The following EFHB variants were observed in gnomAD, a reference collection of about 807,000 sequenced individuals.
The protein encoded by EFHB is EF-hand domain family member B.
In EFHB, 91 loss-of-function variants were observed where a neutral mutation model predicts 87.2. The ratio of observed to expected loss-of-function variants is 1.04; its 90% CI spans 0.88 to 1.24. EFHB has a LOEUF of 1.24. EFHB is among the 50% of genes most tolerant of loss of function. EFHB has a pLI of 0.00. For missense variants in EFHB, 1,084 were observed against 998.8 expected (o/e 1.09, Z -1.15); for synonymous variants, 325 against 333.6 (o/e 0.97, Z 0.28).
At chr3:19,932,567 T>C (rs1331736748) in intron 1 of EFHB, among the ~76,000 whole-genome samples, 2 of 152,248 alleles carry the variant, frequency 1.3e-5, no homozygotes, top group East Asian at 1.9e-4. Flanking sequence ...CACCTTTCGA[T>C]GTTAGCTCAA....
rs923345097 is a variant in EFHB, at chr3:19,913,705, A to C, written c.1288+1598T>G. On this transcript the variant is annotated intron_variant, in intron 5 of 12. Coordinates refer to ENST00000295824, the MANE Select transcript of EFHB (RefSeq NM_144715.4). ...AATATTTTAAAAAATCCTAAAGTGT[A>C]TATGAAACCACAAAATACCCAGAAT... Among the ~76,000 whole-genome samples the C allele has an allele frequency of 2.0e-5, 3 of 152,210 alleles. No individual in the cohort carries two copies. In the East Asian group the frequency reaches 5.8e-4, roughly 29 times the overall value.
intron 12 of EFHB, 21 bp downstream of exon 12, chr3:19,882,529 T>C (rs1181904621): frequency 5.4e-6 from 8 of 1,468,302 alleles, no homozygotes; most frequent in Non-Finnish European, 7.3e-6. Context: ...ATTTCCATTT[T>C]TGTATGCTTA....
chr3:19,940,084 ACTTT>A (rs985201322), intron 1 of EFHB, among the ~76,000 whole-genome samples: 7 of 152,206 alleles, frequency 4.6e-5, no homozygotes, highest in African/African-American at 1.7e-4. Context: ...TTAAAGGCTT[ACTTT>A]CTATGTACTT....
chr3:19,926,095 G>T (rs1259997351), intron 1 of EFHB, among the ~76,000 whole-genome samples: 1 of 152,018 alleles, frequency 6.6e-6, no homozygotes, highest in Non-Finnish European at 1.5e-5. Flanking sequence ...AACTAGGAAG[G>T]TCCCACAAGA....
At chr3:19,926,930 G>A (rs1308199915) in intron 1 of EFHB, among the ~76,000 whole-genome samples, 1 of 152,124 alleles carries the variant, frequency 6.6e-6, no homozygotes, top group Non-Finnish European at 1.5e-5. Context: ...AAAGTGCTGG[G>A]ATTACAGGCA....
rs969256226 is a variant in EFHB at position 19,898,771 on chromosome 3, T to G, written c.1570+7A>C. 1 of 1,613,246 alleles carries G rather than the reference T, an allele frequency of 6.2e-7. No homozygotes were observed. Among genetic ancestry groups the G allele is most frequent in the African/African-American group, 1.3e-5 (1 of 75,050 alleles). The stretch of plus-strand genomic sequence containing the variant: ...GGGTTTTTTACGGAGAAAGTGTGTA[T>G]ATTTACCATATTCCTCAGGACGGAG... On this transcript the variant is annotated splice_region_variant and intron_variant, in intron 8 of 12. Transcript: ENST00000295824.
Position 19,896,740 on chromosome 3 carries a change from CT to C in EFHB, c.1671del (p.Val558LeufsTer23). 6.2e-7 allele frequency: 1 copy of C among 1,614,020 alleles called. No individual in the cohort carries two copies. Among genetic ancestry groups the C allele is most frequent in the Non-Finnish European group, 8.5e-7 (1 of 1,179,888 alleles). On this transcript the variant is annotated frameshift_variant, in exon 9 of 13. Transcript: ENST00000295824. LOFTEE classifies it high-confidence loss of function. ...AAAGTGTCAAACTTTTGGTAATTAA[CT>C]TTCTTCAGGTGATGCCGAACTGCTG... ...LIAAVRHHLKKVNYQKFDTLL... is the reference protein window; with the variant it reads ...LIAAVRHHLKXVNYQKFDTLL...
At chr3:19,907,872 CTTAG>C (rs1196091812) in intron 5 of EFHB, among the ~76,000 whole-genome samples, 5 of 152,098 alleles carry the variant, frequency 3.3e-5, no homozygotes, top group African/African-American at 1.2e-4. Flanking sequence ...ATAATTGTCT[CTTAG>C]TTAAGCAAAA....
At chr3:19,881,688 G>C (rs1011546585) in intron 12 of EFHB, among the ~76,000 whole-genome samples, 7 of 152,056 alleles carry the variant, frequency 4.6e-5, no homozygotes, top group Admixed American at 3.9e-4. Flanking sequence ...AGAATTGCTG[G>C]GATGCATCTG....
In EFHB at chr3:19,933,672, A is replaced by G; in HGVS notation, c.347T>C (p.Leu116Pro). Residue 116 changes from leucine to proline, a missense_variant, in exon 1 of 13, where the codon CTT (leucine) becomes CCT (proline). Physicochemically the swap from Leu to Pro is moderately conservative, Grantham distance 98. Transcript: ENST00000295824. ...PGRMGLENES[L>P]LAGYTHERII... ...CCGTTCATGGGTATATCCTGCAAGA[A>G]GACTCTCATTTTCTAACCCCATTCT... The G allele has an allele frequency of 6.2e-7, 1 of 1,614,034 alleles. No homozygotes were observed. The highest frequency in any genetic ancestry group is 1.3e-5 in the African/African-American group (1 of 75,052).
intron 1 of EFHB, among the ~76,000 whole-genome samples, chr3:19,925,600 G>A (rs953493330): frequency 1.3e-4 from 20 of 152,118 alleles, no homozygotes; most frequent in African/African-American, 4.8e-4. Flanking sequence ...TTGCTCAGCT[G>A]CCTCTTTGCT....
rs181160560 is a variant in EFHB, at chr3:19,940,096, C to T, written c.-31-3762G>A. On this transcript the variant is annotated intron_variant, in intron 1 of 14. Coordinates refer to the EFHB transcript ENST00000344838. ...CCTTTAAAGGCTTACTTTCTATGTA[C>T]TTCTTTTTTTATGAGATTACAGGCC... 2.0e-5 allele frequency among the ~76,000 whole-genome samples: 3 copies of T among 152,272 alleles called. No individual in the cohort carries two copies. The East Asian group carries it at 5.8e-4, about 29-fold the overall frequency.
At chr3:19,922,019 G>T (rs765688075) in intron 1 of EFHB, among the ~76,000 whole-genome samples, 18 of 152,064 alleles carry the variant, frequency 1.2e-4, no homozygotes. Flanking sequence ...ACAAAAATTA[G>T]GCAGGCATGG....
intron 10 of EFHB, among the ~76,000 whole-genome samples, chr3:19,885,780 T>C (rs1428375606): frequency 6.6e-6 from 1 of 152,210 alleles, no homozygotes; most frequent in Non-Finnish European, 1.5e-5. Context: ...ATTGCTGCTC[T>C]GAAAATTCTC....
At position 19,881,479 on chromosome 3, in the gene EFHB, C is replaced by T. The variant is rs148411114; in HGVS notation, c.2328+1071G>A. On this transcript the variant is annotated intron_variant, in intron 12 of 12. Transcript: ENST00000295824. Reference sequence around the variant, plus strand: ...ATGACTTCCTTTAGGGGTTATGAAACAAGCAGGAGATTTCTGTTTCTTTTG... The same window carrying T: ...ATGACTTCCTTTAGGGGTTATGAAATAAGCAGGAGATTTCTGTTTCTTTTG... Among the ~76,000 whole-genome samples the T allele has an allele frequency of 5.0e-4, 76 of 152,214 alleles. 1 individual carries two copies. Among genetic ancestry groups the T allele is most frequent in the Admixed American group, 7.9e-4 (12 of 15,280 alleles).
At chr3:19,898,698 GTGAGCTTAACT>G (rs1694564927) in intron 8 of EFHB, 69 bp downstream of exon 8, 74 of 1,329,928 alleles carry the variant, frequency 5.6e-5, no homozygotes, top group Non-Finnish European at 7.9e-5. Context: ...TAAGGAGATG[GTGAGCTTAACT>G]GCATAACTTT....
intron 1 of EFHB, among the ~76,000 whole-genome samples, chr3:19,939,943 T>A (rs1259490962): frequency 6.6e-6 from 1 of 152,190 alleles, no homozygotes; most frequent in African/African-American, 2.4e-5. Flanking sequence ...TTTGATTGTA[T>A]CTCCTCTACA....
intron 1 of EFHB, among the ~76,000 whole-genome samples, chr3:19,926,999 A>G (rs1420655033): frequency 6.6e-6 from 1 of 152,228 alleles, no homozygotes; most frequent in Non-Finnish European, 1.5e-5. Context: ...TCTGTCAACC[A>G]GGCTGGAGTG....
At chr3:19,937,558 A>G (rs918725816), upstream of EFHB, among the ~76,000 whole-genome samples, 4 of 152,038 alleles carry the variant, frequency 2.6e-5, no homozygotes, top group Admixed American at 2.6e-4. Context: ...ACATGGGCCA[A>G]TGTCCCTGCT....
Sources: allele counts gnomAD v4.1 joint callset (sites outside exome capture counted in the v4.1 genomes callset), GRCh38; gene constraint gnomAD v4.1.1; transcripts MANE v1.5; gene names NCBI Gene and HGNC (gene_info 2026-07-23, HGNC 2026-07-21).